FNDC11: variants seen among roughly 807,000 people sequenced by gnomAD.
FNDC11 encodes the protein fibronectin type III domain containing 11.
In FNDC11, 15 loss-of-function variants were observed where a neutral mutation model predicts 15.8. That is an observed-to-expected ratio of 0.95 (90% CI 0.63 to 1.46). The LOEUF (loss-of-function observed/expected upper bound fraction) is 1.46, where lower values mean the gene tolerates loss of function less well. Ranked by LOEUF, FNDC11 falls within the 40% of genes most tolerant of loss-of-function variation. The probability of loss-of-function intolerance (pLI) is 0.00; values close to 1 mark genes in which losing one functional copy is unlikely to be tolerated. For missense variants in FNDC11, 416 were observed against 443.4 expected (o/e 0.94, Z 0.55); for synonymous variants, 190 against 203.1 (o/e 0.94, Z 0.55).
In FNDC11 at chr20:63,555,889, T is replaced by A. The variant is rs1221751359; in HGVS notation, c.226T>A (p.Tyr76Asn). The A allele has an allele frequency of 6.2e-7, 1 of 1,610,804 alleles. No individual in the cohort carries two copies. The highest frequency in any genetic ancestry group is 1.1e-5 in the South Asian group (1 of 91,076). ...ARMQLLRKCS[Y>N]YIEVLPKHLA... is the part of the protein sequence containing the mutation. ...CATGCAGCTGCTGCGTAAGTGCTCCTACTACATCGAGGTCCTGCCCAAGCA... is the reference window on the plus strand; with the variant it reads ...CATGCAGCTGCTGCGTAAGTGCTCCAACTACATCGAGGTCCTGCCCAAGCA... Residue 76 changes from tyrosine to asparagine, a missense_variant, in exon 2 of 2, where the codon TAC becomes AAC. Physicochemically the swap from Tyr to Asn is moderately radical, Grantham distance 143 (BLOSUM62 -2). Transcript: ENST00000370097.
upstream of FNDC11, chr20:63,554,023 G>C (rs2082783700): frequency 6.6e-6 from 1 of 152,186 alleles, no homozygotes; most frequent in Admixed American, 6.5e-5. Context: ...GCCCCCAGAA[G>C]TCTGGGGCTC....
Position 63,556,427 on chromosome 20 carries a change from G to C in FNDC11, c.764G>C (p.Cys255Ser), listed in dbSNP as rs766578649. 2 of 1,613,338 alleles carry C rather than the reference G, an allele frequency of 1.2e-6. No individual in the cohort carries two copies. The highest frequency in any genetic ancestry group is 1.1e-5 in the South Asian group (1 of 91,084). The part of the protein sequence containing the change: ...RLLDPRTQQE[C>S]AQCGVIPVAA... ...CTGGACCCGCGGACACAGCAGGAGT[G>C]CGCCCAGTGTGGCGTCATCCCCGTG... Residue 255 changes from cysteine (C) to serine (S), a missense_variant, in exon 2 of 2, where the codon TGC (cysteine) becomes TCC (serine). Cys to Ser is a moderately radical substitution (Grantham distance 112). Coordinates refer to ENST00000370097, the MANE Select transcript of FNDC11 (RefSeq NM_001319152.2).
At position 63,556,374 on chromosome 20, in the gene FNDC11, G is replaced by T; in HGVS notation, c.711G>T (p.Ser237=). The T allele has an allele frequency of 1.9e-6, 3 of 1,612,534 alleles. No individual in the cohort carries two copies. The highest frequency in any genetic ancestry group is 2.5e-6 in the Non-Finnish European group (3 of 1,179,982). Residue 237 remains serine, a synonymous_variant, in exon 2 of 2, where the codon TCG becomes TCT. Transcript: ENST00000370097. ...RWFVTIQPAT[S]EQYELRFRLL... The stretch of plus-strand genomic sequence containing the variant: ...TCGTCACCATCCAGCCAGCCACATC[G>T]GAGCAGTATGAGTTGCGCTTCAGGC...
rs142549383 is a variant in FNDC11 at position 63,556,596 on chromosome 20, G to C, written c.933G>C (p.Gly311=). ...ACACCAAGCCGGAGCCCCTGGAGGG[G>C]CCCGCCCTCAGCCACTCTGTCTGAG... ...TLHTKPEPLE[G]PALSHSV is the part of the protein sequence containing the mutation. Residue 311 remains glycine (G), a synonymous_variant, in exon 2 of 2, where the codon GGG becomes GGC. Transcript: ENST00000370097. 6.2e-7 allele frequency: 1 copy of C among 1,612,186 alleles called. No individual in the cohort carries two copies. Among genetic ancestry groups the C allele is most frequent in the East Asian group, 2.2e-5 (1 of 44,842 alleles).
intron 1 of FNDC11, 174 bp from the exon 2 acceptor site, chr20:63,555,480 C>A: frequency 9.5e-7 from 1 of 1,055,542 alleles, no homozygotes; most frequent in Non-Finnish European, 1.3e-6. Context: ...AAACTGTGTC[C>A]AGATCTGTAG....
At chr20:63,555,504 C>A in intron 1 of FNDC11, 150 bp from the exon 2 acceptor site, 1 of 1,288,268 alleles carries the variant, frequency 7.8e-7, no homozygotes, top group Non-Finnish European at 1.0e-6. Flanking sequence ...GCCCATCCAG[C>A]CCTCCAGGCA....
Position 63,555,963 on chromosome 20 carries a change from C to G in FNDC11, c.300C>G (p.Phe100Leu), listed in dbSNP as rs142629099. The change falls in exon 2 of 2, where the codon TTC becomes TTG. Residue 100 changes from phenylalanine to leucine, a missense_variant. Coordinates refer to ENST00000370097, the MANE Select transcript of FNDC11 (RefSeq NM_001319152.2). ...CGCTGGTGCTGCCTAGCGCCTTGTTCCAGCTCATCGACCCCTGGAAGTTCC... is the reference window on the plus strand; with the variant it reads ...CGCTGGTGCTGCCTAGCGCCTTGTTGCAGCTCATCGACCCCTGGAAGTTCC... ...QNPLVLPSAL[F>L]QLIDPWKFQR... 3.6e-5 allele frequency: 57 copies of G among 1,601,882 alleles called. No homozygotes were observed. The highest frequency in any genetic ancestry group is 4.5e-5 in the Non-Finnish European group (53 of 1,179,956).
chr20:63,555,787 A>C lies in FNDC11; in HGVS notation c.124A>C (p.Thr42Pro). The C allele has an allele frequency of 6.2e-7, 1 of 1,613,502 alleles. No homozygotes were observed. ...LLEPEAWKTY[T>P]ERRNALREFL... ...GGAACCAGAGGCGTGGAAGACCTAC[A>C]CCGAGCGCCGCAATGCCCTGCGTGA... Residue 42 changes from threonine to proline, a missense_variant, in exon 2 of 2, where the codon ACC becomes CCC. Physicochemically the swap from Thr to Pro is conservative, Grantham distance 38 (BLOSUM62 -1). Coordinates refer to ENST00000370097, the MANE Select transcript of FNDC11 (RefSeq NM_001319152.2).
At position 63,556,346 on chromosome 20, in the gene FNDC11, G is replaced by A. The variant is rs1470702008; in HGVS notation, c.683G>A (p.Trp228Ter). Reference protein sequence around the residue: ...AAHQDWARLRWFVTIQPATSE... With the variant: ...AAHQDWARLR ...CACCAGGACTGGGCCCGGCTGCGCT[G>A]GTTCGTCACCATCCAGCCAGCCACA... Residue 228 changes from tryptophan (W) to a stop codon, truncating the protein, a stop_gained, in exon 2 of 2, where the codon TGG becomes TAG. Transcript: ENST00000370097. LOFTEE classifies it high-confidence loss of function. The A allele has an allele frequency of 6.2e-7, 1 of 1,612,154 alleles. No individual in the cohort carries two copies. Among genetic ancestry groups the A allele is most frequent in the Non-Finnish European group, 8.5e-7 (1 of 1,179,686 alleles).
Position 63,555,900 on chromosome 20 carries a change from G to A in FNDC11, c.237G>A (p.Glu79=). 2 of 1,609,364 alleles carry A rather than the reference G, an allele frequency of 1.2e-6. No individual in the cohort carries two copies. The highest frequency in any genetic ancestry group is 4.5e-5 in the East Asian group (2 of 44,890). ...TGCGTAAGTGCTCCTACTACATCGAGGTCCTGCCCAAGCACCTGGCCCTGG... is the reference window on the plus strand; with the variant it reads ...TGCGTAAGTGCTCCTACTACATCGAAGTCCTGCCCAAGCACCTGGCCCTGG... ...QLLRKCSYYI[E]VLPKHLALGD... Residue 79 remains glutamate, a synonymous_variant, in exon 2 of 2, where the codon GAG becomes GAA. Transcript: ENST00000370097.
chr20:63,556,324 C>T lies in FNDC11; in HGVS notation c.661C>T (p.Gln221Ter). 6.2e-7 allele frequency: 1 copy of T among 1,609,052 alleles called. No homozygotes were observed. The highest frequency in any genetic ancestry group is 1.1e-5 in the South Asian group (1 of 91,026). Residue 221 changes from glutamine (Q) to a stop codon, truncating the protein, a stop_gained, in exon 2 of 2, where the codon CAG becomes TAG. Transcript: ENST00000370097. LOFTEE classifies it high-confidence loss of function. ...VFDRKASAAH[Q>*]DWARLRWFVT... Reference sequence around the variant, plus strand: ...TGACCGAAAGGCGTCGGCGGCTCACCAGGACTGGGCCCGGCTGCGCTGGTT... The same window carrying T: ...TGACCGAAAGGCGTCGGCGGCTCACTAGGACTGGGCCCGGCTGCGCTGGTT...
rs200397679 is a variant in FNDC11 at position 63,555,647 on chromosome 20, C to T, written c.-10-7C>T. On this transcript the variant is annotated splice_region_variant and splice_polypyrimidine_tract_variant and intron_variant, in intron 1 of 1. Transcript: ENST00000370097. ...GCCTGGCAGCTGACACCCAGCCCTC[C>T]CCCCAGCTCCCGGATAATGAGCACC... 3.8e-6 allele frequency: 6 copies of T among 1,589,028 alleles called. No individual in the cohort carries two copies. The highest frequency in any genetic ancestry group is 5.2e-6 in the Non-Finnish European group (6 of 1,164,988).
Position 63,555,858 on chromosome 20 carries a change from C to T in FNDC11, c.195C>T (p.His65=), listed in dbSNP as rs1468380313. 7 of 1,612,864 alleles carry T rather than the reference C, an allele frequency of 4.3e-6. No individual in the cohort carries two copies. Among genetic ancestry groups the T allele is most frequent in the East Asian group, 4.5e-5 (2 of 44,896 alleles). The change falls in exon 2 of 2, where the codon CAC becomes CAT. Residue 65 remains histidine (H), a synonymous_variant. Coordinates refer to ENST00000370097, the MANE Select transcript of FNDC11 (RefSeq NM_001319152.2). The part of the protein sequence containing the change: ...DLSPHLLKRH[H]ARMQLLRKCS... ...GTCCGCACCTGCTCAAGCGCCACCA[C>T]GCCCGCATGCAGCTGCTGCGTAAGT...
rs780206548 is a variant in FNDC11, at chr20:63,556,313, C to T, written c.650C>T (p.Ser217Leu). The T allele has an allele frequency of 5.6e-6, 9 of 1,606,328 alleles. No homozygotes were observed. Among genetic ancestry groups the T allele is most frequent in the African/African-American group, 1.3e-5 (1 of 74,808 alleles). The change falls in exon 2 of 2, where the codon TCG becomes TTG. Residue 217 changes from serine to leucine, a missense_variant. Physicochemically the swap from Ser to Leu is moderately radical, Grantham distance 145 (BLOSUM62 -2). Coordinates refer to ENST00000370097, the MANE Select transcript of FNDC11 (RefSeq NM_001319152.2). ...KMPVVFDRKA[S>L]AAHQDWARLR... ...CCTGTCGTGTTTGACCGAAAGGCGT[C>T]GGCGGCTCACCAGGACTGGGCCCGG...
chr20:63,555,345 T>A (rs2082797824), intron 1 of FNDC11: 3 of 352,948 alleles, frequency 8.5e-6, no homozygotes, highest in Non-Finnish European at 1.6e-5. Context: ...GCAGCAGGGT[T>A]AGGAACTGGG....
chr20:63,554,081 T>C (rs2145992944), upstream of FNDC11: 1 of 151,560 alleles, frequency 6.6e-6, no homozygotes, highest in South Asian at 2.1e-4. Context: ...GGGTCCCGGG[T>C]CCCCACCCCC....
At position 63,555,878 on chromosome 20, in the gene FNDC11, G is replaced by C; in HGVS notation, c.215G>C (p.Arg72Pro). The change falls in exon 2 of 2, where the codon CGT becomes CCT. Residue 72 changes from arginine (R) to proline (P), a missense_variant. Physicochemically the swap from Arg to Pro is moderately radical, Grantham distance 103. Coordinates refer to ENST00000370097, the MANE Select transcript of FNDC11 (RefSeq NM_001319152.2). ...CACCACGCCCGCATGCAGCTGCTGC[G>C]TAAGTGCTCCTACTACATCGAGGTC... is the stretch of plus-strand genomic sequence containing the variant. ...KRHHARMQLL[R>P]KCSYYIEVLP... The C allele has an allele frequency of 6.2e-7, 1 of 1,611,900 alleles. No individual in the cohort carries two copies.
In FNDC11 at chr20:63,555,909, C is replaced by T; in HGVS notation, c.246C>T (p.Pro82=). Residue 82 remains proline (P), a synonymous_variant, in exon 2 of 2, where the codon CCC becomes CCT. Coordinates refer to ENST00000370097, the MANE Select transcript of FNDC11 (RefSeq NM_001319152.2). ...RKCSYYIEVL[P]KHLALGDQNP... is the part of the protein sequence containing the mutation. ...GCTCCTACTACATCGAGGTCCTGCC[C>T]AAGCACCTGGCCCTGGGCGACCAGA... is the stretch of plus-strand genomic sequence containing the variant. The T allele has an allele frequency of 1.2e-6, 2 of 1,608,326 alleles. No homozygotes were observed. Among genetic ancestry groups the T allele is most frequent in the Non-Finnish European group, 1.7e-6 (2 of 1,179,916 alleles).
upstream of FNDC11, among the ~76,000 whole-genome samples, chr20:63,553,353 CTG>C (rs2082774888): frequency 8.8e-6 from 1 of 113,954 alleles, no homozygotes; most frequent in Non-Finnish European, 1.8e-5. Context: ...TGGGAGGAGC[CTG>C]TAGTGGGAGG....
Sources: allele counts gnomAD v4.1 joint callset (sites outside exome capture counted in the v4.1 genomes callset), GRCh38; gene constraint gnomAD v4.1.1; transcripts MANE v1.5; gene names NCBI Gene and HGNC (gene_info 2026-07-23, HGNC 2026-07-21).